Variants in STAG1 observed in about 807,000 individuals in gnomAD.
STAG1 encodes cohesin subunit SA-1.
In STAG1, 26 loss-of-function variants were observed where a neutral mutation model predicts 170.9. That is an observed-to-expected ratio of 0.15 (90% CI 0.11 to 0.21). STAG1 has a LOEUF of 0.21. Ranked by LOEUF, STAG1 falls within the 10% of genes least tolerant of loss-of-function variation. The pLI, the probability that STAG1 is intolerant of heterozygous loss-of-function variation, is 1.00. For synonymous variants in STAG1, 514 were observed against 497.7 expected (o/e 1.03, Z -0.44); for missense variants, 964 against 1,509.5 (o/e 0.64, Z 5.99).
intron 23 of STAG1, among the ~76,000 whole-genome samples, chr3:136,376,000 A>T (rs867346572): frequency 4.3e-4 from 60 of 141,174 alleles, no homozygotes; most frequent in Middle Eastern, 3.6e-3. Context: ...AAATAAATAA[A>T]TAAATAAATA....
chr3:136,681,735 A>G (rs1441421960), intron 1 of STAG1, among the ~76,000 whole-genome samples: 1 of 152,224 alleles, frequency 6.6e-6, no homozygotes, highest in Non-Finnish European at 1.5e-5. Context: ...GGATGATCCA[A>G]CGTATGAAAA....
Position 136,337,988 on chromosome 3 carries a change from AAC to A in STAG1, c.*264_*265del. On this transcript the variant is annotated 3_prime_UTR_variant, in exon 34 of 34. Coordinates refer to ENST00000383202, the MANE Select transcript of STAG1 (RefSeq NM_005862.3). ...TAAAATTTCTTCCTCCCTCCAGAAA[AAC>A]ACACACATCTGTATTGGGATAAGTC... is the stretch of plus-strand genomic sequence containing the variant. 5.5e-6 allele frequency: 2 copies of A among 360,542 alleles called. No individual in the cohort carries two copies. The highest frequency in any genetic ancestry group is 1.0e-5 in the Non-Finnish European group (2 of 200,342). 22.3% of individuals were successfully genotyped at this position (360,542 alleles called of 1,614,324 possible).
chr3:136,640,830 A>G (rs1940766818), intron 1 of STAG1, among the ~76,000 whole-genome samples: 1 of 150,184 alleles, frequency 6.7e-6, no homozygotes, highest in African/African-American at 2.5e-5. Flanking sequence ...CCGCCCCAAC[A>G]TGCCCGGCTA....
intron 1 of STAG1, among the ~76,000 whole-genome samples, chr3:136,670,327 G>A (rs576143866): frequency 2.0e-5 from 3 of 152,342 alleles, no homozygotes; most frequent in East Asian, 3.9e-4. Context: ...TCATAATTAA[G>A]TGATTTTAAA....
At chr3:136,632,674 C>T (rs916653212) in intron 1 of STAG1, among the ~76,000 whole-genome samples, 2 of 151,976 alleles carry the variant, frequency 1.3e-5, no homozygotes, top group Non-Finnish European at 2.9e-5. Flanking sequence ...CTTTCAAAGA[C>T]TCCCACGTAT....
intron 4 of STAG1, among the ~76,000 whole-genome samples, chr3:136,574,058 C>A (rs1299489764): frequency 1.3e-5 from 2 of 151,620 alleles, no homozygotes; most frequent in African/African-American, 4.8e-5. Context: ...CTGGCTAACA[C>A]GGTGAAATCC....
At chr3:136,505,383 A>G (rs1055624449) in intron 7 of STAG1, among the ~76,000 whole-genome samples, 1 of 151,458 alleles carries the variant, frequency 6.6e-6, no homozygotes, top group Non-Finnish European at 1.5e-5. Flanking sequence ...GCTGACCACA[A>G]CAAGTTTATT....
chr3:136,744,608 A>G (rs1156458624), intron 1 of STAG1, among the ~76,000 whole-genome samples: 1 of 151,456 alleles, frequency 6.6e-6, no homozygotes, highest in Non-Finnish European at 1.5e-5. Context: ...TGAGATTACA[A>G]TTCAATGCTT....
intron 4 of STAG1, among the ~76,000 whole-genome samples, chr3:136,600,244 G>A (rs529224448): frequency 1.3e-5 from 2 of 152,116 alleles, no homozygotes; most frequent in Admixed American, 6.5e-5. Flanking sequence ...TGAGATACAC[G>A]ATTACCCTAA....
intron 20 of STAG1, among the ~76,000 whole-genome samples, chr3:136,418,402 G>GAAAAAAAAAAAAAAAAAAAAAA (rs1559789147): frequency 1.1e-5 from 1 of 89,392 alleles, no homozygotes; most frequent in African/African-American, 5.1e-5. Flanking sequence ...AAAAAAAAAG[G>GAAAAAAAAAAAAAAAAAAAAAA]TTTTTTTCAT....
chr3:136,729,489 T>C (rs934528948), intron 1 of STAG1, among the ~76,000 whole-genome samples: 11 of 152,068 alleles, frequency 7.2e-5, no homozygotes, highest in Middle Eastern at 3.4e-3. Context: ...GTAAATAAGA[T>C]CTAGAGGTTA....
At chr3:136,383,952 C>T (rs1331139377) in intron 22 of STAG1, among the ~76,000 whole-genome samples, 1 of 119,422 alleles carries the variant, frequency 8.4e-6, no homozygotes, top group African/African-American at 3.0e-5. Context: ...AAGACTCCGT[C>T]TCAAAAAAAA....
chr3:136,454,597 C>T lies in STAG1; in HGVS notation c.1314-2450G>A, dbSNP rs2089051984. On this transcript the variant is annotated intron_variant, in intron 13 of 33. Coordinates refer to ENST00000383202, the MANE Select transcript of STAG1 (RefSeq NM_005862.3). ...GTTTCACCATGTTGGCCAGGCTGAT[C>T]TCGAACTCCTGACCTCAAGTCGTCC... 2.0e-5 allele frequency among the ~76,000 whole-genome samples: 3 copies of T among 152,184 alleles called. No individual in the cohort carries two copies. The South Asian group carries it at 6.2e-4, about 32-fold the overall frequency.
At chr3:136,604,944 C>G (rs918457587) in intron 3 of STAG1, among the ~76,000 whole-genome samples, 1 of 152,188 alleles carries the variant, frequency 6.6e-6, no homozygotes, top group Non-Finnish European at 1.5e-5. Flanking sequence ...GCCACCACAC[C>G]TAGATGATGT....
intron 1 of STAG1, among the ~76,000 whole-genome samples, chr3:136,729,877 CTTTTTTTTT>C (rs36212432): frequency 0.01 from 613 of 58,524 alleles, 4 homozygotes; most frequent in African/African-American, 0.031. Context: ...CCACGCCAGG[CTTTTTTTTT>C]TTTTTTTTTT....
At chr3:136,745,772 GGAA>G (rs936753631) in intron 1 of STAG1, among the ~76,000 whole-genome samples, 7 of 152,266 alleles carry the variant, frequency 4.6e-5, no homozygotes, top group Middle Eastern at 3.4e-3. Flanking sequence ...GGGCCACATT[GGAA>G]GAAGAATTGC....
At chr3:136,410,068 T>TAAAAAAAAAAAAAAA (rs766763989) in intron 21 of STAG1, among the ~76,000 whole-genome samples, 1 of 93,082 alleles carries the variant, frequency 1.1e-5, no homozygotes, top group African/African-American at 4.3e-5. Flanking sequence ...AGTCCTTGTC[T>TAAAAAAAAAAAAAAA]AAAAAAAAAA....
At chr3:136,708,289 T>C (rs1943282318) in intron 1 of STAG1, among the ~76,000 whole-genome samples, 1 of 152,130 alleles carries the variant, frequency 6.6e-6, no homozygotes, top group Non-Finnish European at 1.5e-5. Context: ...TTGAATGTTA[T>C]TTAGCCATAA....
chr3:136,708,477 T>C (rs755713195), intron 1 of STAG1, among the ~76,000 whole-genome samples: 1 of 151,972 alleles, frequency 6.6e-6, no homozygotes, highest in Non-Finnish European at 1.5e-5. Context: ...GTCAAGGAAA[T>C]AGGAAGTTAT....
Sources: allele counts gnomAD v4.1 joint callset (sites outside exome capture counted in the v4.1 genomes callset), GRCh38; gene constraint gnomAD v4.1.1; transcripts MANE v1.5; gene names NCBI Gene and HGNC (gene_info 2026-07-23, HGNC 2026-07-21).